Variants in KLHL1 observed in about 807,000 individuals in gnomAD.
The protein encoded by KLHL1 is kelch-like protein 1.
KLHL1 carries 47 observed loss-of-function variants against 77.7 expected under a neutral mutation model. The ratio of observed to expected loss-of-function variants is 0.60; its 90% CI spans 0.48 to 0.77. The LOEUF (loss-of-function observed/expected upper bound fraction) is 0.77, where lower values mean the gene tolerates loss of function less well. KLHL1 is among the 30% of genes least tolerant of loss of function. The pLI, the probability that KLHL1 is intolerant of heterozygous loss-of-function variation, is 0.00. For synonymous variants in KLHL1, 360 were observed against 325.2 expected, an observed-to-expected ratio of 1.11 and a Z score of -1.15; for missense variants, 925 against 910.8, an observed-to-expected ratio of 1.02 and a Z score of -0.20.
intron 10 of KLHL1, 117 bp from the exon 11 acceptor site, chr13:69,701,878 T>A: frequency 1.4e-6 from 1 of 698,502 alleles, no homozygotes; most frequent in Non-Finnish European, 2.3e-6. Context: ...TTTCCCATTT[T>A]AGCCAGAAGT....
intron 6 of KLHL1, among the ~76,000 whole-genome samples, chr13:69,820,697 A>G (rs1303291657): frequency 6.6e-6 from 1 of 152,196 alleles, no homozygotes; most frequent in Admixed American, 6.5e-5. Context: ...TTCAAGGGAC[A>G]TTCAGGCCGA....
At chr13:69,888,089 T>C (rs1593919524) in intron 4 of KLHL1, among the ~76,000 whole-genome samples, 3 of 152,250 alleles carry the variant, frequency 2.0e-5, no homozygotes, top group South Asian at 4.1e-4. Flanking sequence ...ATCAGATTTG[T>C]TGTTTGGCGA....
At chr13:69,860,257 T>C (rs1880087747) in intron 5 of KLHL1, among the ~76,000 whole-genome samples, 1 of 151,994 alleles carries the variant, frequency 6.6e-6, no homozygotes, top group African/African-American at 2.4e-5. Context: ...AAAATCTCAA[T>C]GTTCAAAAAA....
chr13:69,984,834 C>T (rs921843127), intron 1 of KLHL1, among the ~76,000 whole-genome samples: 2 of 152,090 alleles, frequency 1.3e-5, no homozygotes, highest in Admixed American at 1.3e-4. Context: ...GCAGGCTGGG[C>T]GTGGTGGCTC....
At chr13:69,815,818 G>T (rs1878096941) in intron 6 of KLHL1, among the ~76,000 whole-genome samples, 1 of 151,922 alleles carries the variant, frequency 6.6e-6, no homozygotes. Context: ...ACAAAACCCA[G>T]AAGTTATAAA....
intron 4 of KLHL1, among the ~76,000 whole-genome samples, chr13:69,932,741 C>A (rs970404266): frequency 1.3e-5 from 2 of 151,502 alleles, no homozygotes; most frequent in Non-Finnish European, 1.5e-5. Flanking sequence ...TTTTAGAAAT[C>A]GAAGCTCAGT....
chr13:70,049,577 T>C (rs1003636225), intron 1 of KLHL1, among the ~76,000 whole-genome samples: 2 of 152,208 alleles, frequency 1.3e-5, no homozygotes, highest in African/African-American at 2.4e-5. Context: ...ATTTATTACA[T>C]ACTAATATAG....
At chr13:70,102,064 G>A (rs1887935562) in intron 1 of KLHL1, among the ~76,000 whole-genome samples, 1 of 151,936 alleles carries the variant, frequency 6.6e-6, no homozygotes, top group African/African-American at 2.4e-5. Context: ...TTTCATAGAA[G>A]TATAGTTTGA....
intron 9 of KLHL1, among the ~76,000 whole-genome samples, chr13:69,711,273 G>A (rs887317130): frequency 1.3e-5 from 2 of 151,992 alleles, no homozygotes; most frequent in Non-Finnish European, 2.9e-5. Flanking sequence ...GTGATTTATA[G>A]TCCAGTAGGT....
chr13:70,046,769 C>A (rs1023105174), intron 1 of KLHL1, among the ~76,000 whole-genome samples: 5 of 152,138 alleles, frequency 3.3e-5, no homozygotes, highest in African/African-American at 1.2e-4. Flanking sequence ...CCGCCTCGGC[C>A]TTCCAAAGTG....
chr13:69,950,501 A>G (rs138534831), intron 3 of KLHL1, among the ~76,000 whole-genome samples: 15 of 151,606 alleles, frequency 9.9e-5, no homozygotes, highest in Middle Eastern at 3.4e-3. Flanking sequence ...CACTCTCACT[A>G]ATTTCCATGG....
At chr13:69,793,437 T>G (rs1279342734) in intron 7 of KLHL1, among the ~76,000 whole-genome samples, 2 of 151,974 alleles carry the variant, frequency 1.3e-5, no homozygotes, top group Non-Finnish European at 2.9e-5. Flanking sequence ...TGTGAAACAT[T>G]TTAAACCACG....
chr13:69,740,136 C>T (rs1260462681), intron 8 of KLHL1, among the ~76,000 whole-genome samples: 5 of 152,072 alleles, frequency 3.3e-5, no homozygotes, highest in Non-Finnish European at 5.9e-5. Context: ...GAAGGCTACT[C>T]AACTATTTAT....
chr13:70,009,840 T>C lies in KLHL1; in HGVS notation c.498-34038A>G, dbSNP rs1243798153. Among the ~76,000 whole-genome samples, 7 of 152,020 alleles carry C rather than the reference T, an allele frequency of 4.6e-5. No homozygotes were observed. The East Asian group carries it at 1.2e-3, about 25-fold the overall frequency. ...AACAAAAGACAAATTCCTATTCCCA[T>C]GTAACATATTTTTGGGTTCAAAAAA... On this transcript the variant is annotated intron_variant, in intron 1 of 10. Coordinates refer to ENST00000377844, the MANE Select transcript of KLHL1 (RefSeq NM_020866.3).
At position 69,982,437 on chromosome 13, in the gene KLHL1, AAATAATAAT is replaced by A. The variant is rs34183465; in HGVS notation, c.498-6644_498-6636del. 3.7e-3 allele frequency among the ~76,000 whole-genome samples: 504 copies of A among 135,740 alleles called. 1 individual carries two copies. Among genetic ancestry groups the A allele is most frequent in the South Asian group, 6.8e-3 (28 of 4,114 alleles). 89.1% of individuals were successfully genotyped at this position (135,740 alleles called of 152,430 possible). ...GGCGACAGAGCAAGACTCCATCTCC[AAATAATAAT>A]AATAATAATAATAATAATAATAATA... On this transcript the variant is annotated intron_variant, in intron 1 of 10. Coordinates refer to ENST00000377844, the MANE Select transcript of KLHL1 (RefSeq NM_020866.3).
chr13:69,719,047 G>A (rs1489053622), intron 9 of KLHL1, among the ~76,000 whole-genome samples: 4 of 151,984 alleles, frequency 2.6e-5, no homozygotes, highest in African/African-American at 9.7e-5. Context: ...TCATTTTAAT[G>A]TGTGTTTTAA....
intron 3 of KLHL1, among the ~76,000 whole-genome samples, chr13:69,948,047 G>A (rs768446103): frequency 1.2e-4 from 18 of 151,918 alleles, no homozygotes; most frequent in South Asian, 2.1e-4. Flanking sequence ...CTTGATATAC[G>A]TAAGAAGTCA....
In KLHL1 at chr13:69,719,523, C is replaced by T. The variant is rs1204854028; in HGVS notation, c.1861G>A (p.Asp621Asn). ...ATGTTCCACTTATTTGTATGAGGAT[C>T]ATAATATTCCATTGAACTCAAACAG... ...SSCLSSMEYY[D>N]PHTNKWNMCA... The change falls in exon 9 of 11, where the codon GAT becomes AAT. Residue 621 changes from aspartate (D) to asparagine (N), a missense_variant. Transcript: ENST00000377844. The T allele has an allele frequency of 1.2e-6, 2 of 1,613,336 alleles. No individual in the cohort carries two copies. Among genetic ancestry groups the T allele is most frequent in the Non-Finnish European group, 1.7e-6 (2 of 1,179,610 alleles).
At chr13:69,830,463 A>T (rs1878719350) in intron 6 of KLHL1, among the ~76,000 whole-genome samples, 1 of 150,256 alleles carries the variant, frequency 6.7e-6, no homozygotes, top group South Asian at 2.1e-4. Flanking sequence ...TTACTACTAG[A>T]CCTAAGAAAT....
Sources: allele counts gnomAD v4.1 joint callset (sites outside exome capture counted in the v4.1 genomes callset), GRCh38; gene constraint gnomAD v4.1.1; transcripts MANE v1.5; gene names NCBI Gene and HGNC (gene_info 2026-07-23, HGNC 2026-07-21).